Variants in BMP6 observed in about 807,000 individuals in gnomAD.
The protein encoded by BMP6 is VG-1-R.
Under a neutral mutation model 54.1 loss-of-function variants are expected in BMP6, and 17 were observed. The ratio of observed to expected loss-of-function variants is 0.31; its 90% CI spans 0.22 to 0.47. The LOEUF (loss-of-function observed/expected upper bound fraction) is 0.47. Among genes scored for constraint, BMP6 ranks in the 20% least tolerant of loss-of-function variants. BMP6 has a pLI of 1.00. For missense variants in BMP6, 720 were observed against 690.4 expected (o/e 1.04, Z -0.48); for synonymous variants, 328 against 291.2 (o/e 1.13, Z -1.28).
chr6:7,851,874 C>T (rs1372461919), intron 2 of BMP6, among the ~76,000 whole-genome samples: 1 of 152,044 alleles, frequency 6.6e-6, no homozygotes, highest in African/African-American at 2.4e-5. Context: ...TATTAAATGA[C>T]TTTTAAATGT....
intron 1 of BMP6, among the ~76,000 whole-genome samples, chr6:7,810,457 G>T (rs1561779184): frequency 6.6e-6 from 1 of 152,176 alleles, no homozygotes; most frequent in African/African-American, 2.4e-5. Context: ...GCCATGGTCG[G>T]TCTTTTCTTG....
chr6:7,871,079 G>C (rs1039662035), intron 4 of BMP6, among the ~76,000 whole-genome samples: 3 of 151,720 alleles, frequency 2.0e-5, no homozygotes, highest in African/African-American at 7.2e-5. Flanking sequence ...ATAGTTTTGT[G>C]TGTGTGTGTG....
chr6:7,880,534 T>G lies in BMP6; in HGVS notation c.*191T>G. ...TTGCTCACTTGGTAAATGACGTGAG[T>G]AGTTGTTGGTCTGTAGCAAGCTGAG... is the stretch of plus-strand genomic sequence containing the variant. On this transcript the variant is annotated 3_prime_UTR_variant, in exon 7 of 7. Transcript: ENST00000283147. 1 of 732,522 alleles carries G rather than the reference T, an allele frequency of 1.4e-6. No homozygotes were observed. Among genetic ancestry groups the G allele is most frequent in the South Asian group, 1.9e-5 (1 of 53,286 alleles). 45.4% of individuals were successfully genotyped at this position (732,522 alleles called of 1,614,324 possible). A position where few individuals can be genotyped will look rare whatever the true frequency, so the allele number is the denominator to read the frequency against.
chr6:7,766,185 GT>G (rs945089923), intron 1 of BMP6, among the ~76,000 whole-genome samples: 4 of 151,502 alleles, frequency 2.6e-5, no homozygotes, highest in South Asian at 4.2e-4. Flanking sequence ...TGTGCTTCCA[GT>G]TTTTTTTTGT....
At chr6:7,856,765 T>G (rs1269288333) in intron 2 of BMP6, among the ~76,000 whole-genome samples, 2 of 149,528 alleles carry the variant, frequency 1.3e-5, no homozygotes, top group Admixed American at 1.3e-4. Flanking sequence ...CCCGGCTAAT[T>G]TTTTGTATTT....
chr6:7,859,419 G>C (rs1172863160), intron 2 of BMP6, among the ~76,000 whole-genome samples: 1 of 152,004 alleles, frequency 6.6e-6, no homozygotes, highest in Non-Finnish European at 1.5e-5. Context: ...GCCCCGCCTT[G>C]AGGGCAGCCT....
rs181806229 is a variant in BMP6 at position 7,836,089 on chromosome 6, C to T, written c.665-9051C>T. Among the ~76,000 whole-genome samples the T allele has an allele frequency of 7.2e-5, 11 of 152,206 alleles. 1 individual carries two copies. Among genetic ancestry groups the T allele is most frequent in the Admixed American group, 3.9e-4 (6 of 15,280 alleles). On this transcript the variant is annotated intron_variant, in intron 1 of 6. Coordinates refer to ENST00000283147, the MANE Select transcript of BMP6 (RefSeq NM_001718.6). ...CTCCTGACCTCAGGTGATCTGCCCA[C>T]GGCCTCCCAAAGTGCTGGAATTACC... is the stretch of plus-strand genomic sequence containing the variant.
intron 1 of BMP6, among the ~76,000 whole-genome samples, chr6:7,778,043 A>G (rs929548574): frequency 6.6e-6 from 1 of 152,232 alleles, no homozygotes; most frequent in African/African-American, 2.4e-5. Flanking sequence ...ACTCCCAGGC[A>G]GAAGTGCATC....
At chr6:7,777,961 C>T (rs987475915) in intron 1 of BMP6, among the ~76,000 whole-genome samples, 3 of 152,086 alleles carry the variant, frequency 2.0e-5, no homozygotes, top group African/African-American at 7.2e-5. Flanking sequence ...TGTTTTTCCC[C>T]CTTTCCCAAA....
chr6:7,735,978 A>G (rs1490010163), intron 1 of BMP6, among the ~76,000 whole-genome samples: 1 of 152,254 alleles, frequency 6.6e-6, no homozygotes, highest in African/African-American at 2.4e-5. Flanking sequence ...GGAAAGAATT[A>G]TAAAATACCT....
chr6:7,784,526 T>G (rs1208784734), intron 1 of BMP6, among the ~76,000 whole-genome samples: 2 of 152,210 alleles, frequency 1.3e-5, no homozygotes, highest in Admixed American at 6.5e-5. Context: ...AAAATAAAGC[T>G]TCTCTGTGCC....
At chr6:7,853,288 G>A (rs1014488533) in intron 2 of BMP6, among the ~76,000 whole-genome samples, 2 of 152,126 alleles carry the variant, frequency 1.3e-5, no homozygotes, top group African/African-American at 4.8e-5. Context: ...TTGAAGTATA[G>A]TGTGTTTTAT....
At chr6:7,730,738 A>G (rs1029737068) in intron 1 of BMP6, among the ~76,000 whole-genome samples, 5 of 152,240 alleles carry the variant, frequency 3.3e-5, no homozygotes, top group Non-Finnish European at 7.3e-5. Context: ...TAGGGATACT[A>G]GAGAATTACA....
At chr6:7,878,211 G>A (rs1759652432) in intron 4 of BMP6, among the ~76,000 whole-genome samples, 1 of 152,148 alleles carries the variant, frequency 6.6e-6, no homozygotes, top group Non-Finnish European at 1.5e-5. Flanking sequence ...TTGTATTGGA[G>A]TTATTTGTGT....
At chr6:7,786,618 G>C (rs1307374057) in intron 1 of BMP6, among the ~76,000 whole-genome samples, 1 of 152,054 alleles carries the variant, frequency 6.6e-6, no homozygotes, top group African/African-American at 2.4e-5. Flanking sequence ...TAGCTGTTCT[G>C]TGAGTTAGAA....
At chr6:7,851,636 T>C (rs1428306945) in intron 2 of BMP6, among the ~76,000 whole-genome samples, 2 of 152,160 alleles carry the variant, frequency 1.3e-5, no homozygotes, top group African/African-American at 4.8e-5. Context: ...CAGATTTCCA[T>C]CAGATTTTTA....
At chr6:7,812,842 G>T (rs531248385) in intron 1 of BMP6, among the ~76,000 whole-genome samples, 2 of 151,468 alleles carry the variant, frequency 1.3e-5, no homozygotes, top group South Asian at 2.1e-4. Flanking sequence ...CCACATGATT[G>T]ACATGGTGTC....
intron 1 of BMP6, among the ~76,000 whole-genome samples, chr6:7,750,331 C>G (rs76691229): frequency 2.0e-5 from 3 of 152,098 alleles, no homozygotes; most frequent in Non-Finnish European, 2.9e-5. Flanking sequence ...ATGGAACTTC[C>G]GAACTGCAGA....
Position 7,856,722 on chromosome 6 carries a change from A to G in BMP6, c.858-4729A>G, listed in dbSNP as rs925208815. 1.6e-4 allele frequency among the ~76,000 whole-genome samples: 24 copies of G among 145,874 alleles called. No homozygotes were observed. The South Asian group carries it at 3.3e-3, about 20-fold the overall frequency. ...CGCCATTCTCCTGCCTCAGCCTCCC[A>G]AGTAGCTGGGACTACAGGCGCCCGC... On this transcript the variant is annotated intron_variant, in intron 2 of 6. Transcript: ENST00000283147.
Sources: allele counts gnomAD v4.1 joint callset (sites outside exome capture counted in the v4.1 genomes callset), GRCh38; gene constraint gnomAD v4.1.1; transcripts MANE v1.5; gene names NCBI Gene and HGNC (gene_info 2026-07-23, HGNC 2026-07-21).